Variants in CAMK2D observed in about 807,000 individuals in gnomAD.
CAMK2D encodes the protein calcium/calmodulin-dependent protein kinase type II subunit delta.
CAMK2D carries 37 observed loss-of-function variants against 84.0 expected under a neutral mutation model. That is an observed-to-expected ratio of 0.44 (90% CI 0.34 to 0.58). The LOEUF is 0.58. CAMK2D is among the 20% of genes least tolerant of loss of function. The pLI is 0.02. For synonymous variants in CAMK2D, 202 were observed against 212.5 expected, an observed-to-expected ratio of 0.95 and a Z score of 0.43; for missense variants, 448 against 652.5, an observed-to-expected ratio of 0.69 and a Z score of 3.41.
At chr4:113,491,626 T>C (rs572717948) in intron 16 of CAMK2D, among the ~76,000 whole-genome samples, 1 of 152,184 alleles carries the variant, frequency 6.6e-6, no homozygotes, top group East Asian at 1.9e-4. Flanking sequence ...TGTCTCTGCC[T>C]GGCTTTGGTA....
At chr4:113,478,473 C>T (rs1459590071) in intron 16 of CAMK2D, among the ~76,000 whole-genome samples, 6 of 152,140 alleles carry the variant, frequency 3.9e-5, no homozygotes, top group African/African-American at 9.7e-5. Context: ...AGGCTTCTCT[C>T]TTCTTATAAA....
At chr4:113,583,777 C>T (rs1354765574) in intron 4 of CAMK2D, among the ~76,000 whole-genome samples, 7 of 152,132 alleles carry the variant, frequency 4.6e-5, no homozygotes, top group African/African-American at 1.7e-4. Context: ...TCATATTACA[C>T]ACACATGTAA....
At chr4:113,538,626 T>C (rs2098509490) in intron 6 of CAMK2D, among the ~76,000 whole-genome samples, 2 of 152,226 alleles carry the variant, frequency 1.3e-5, no homozygotes, top group Admixed American at 6.5e-5. Flanking sequence ...ACAAGTAATG[T>C]CATGCTTTAA....
intron 2 of CAMK2D, among the ~76,000 whole-genome samples, chr4:113,699,528 T>A (rs1184338627): frequency 6.6e-6 from 1 of 152,130 alleles, no homozygotes; most frequent in African/African-American, 2.4e-5. Flanking sequence ...TGCCCCACTT[T>A]CCAGTCACCC....
chr4:113,535,863 C>G, intron 7 of CAMK2D, among the ~76,000 whole-genome samples: 1 of 152,196 alleles, frequency 6.6e-6, no homozygotes, highest in Non-Finnish European at 1.5e-5. Context: ...GATACTTCCA[C>G]CCTGAATGGT....
Position 113,677,623 on chromosome 4 carries a change from C to T in CAMK2D, c.161-15851G>A, listed in dbSNP as rs532291029. On this transcript the variant is annotated intron_variant, in intron 2 of 20. Coordinates refer to ENST00000511664, the MANE Select transcript of CAMK2D (RefSeq NM_001321571.2). ...TGCAATACCATCTAAATAAGAAGGCCCATGTCAGTAGTGGCCCTTGGATAA... is the reference window on the plus strand; with the variant it reads ...TGCAATACCATCTAAATAAGAAGGCTCATGTCAGTAGTGGCCCTTGGATAA... 33 of 715,462 alleles carry T rather than the reference C, an allele frequency of 4.6e-5. 1 individual carries two copies. Among genetic ancestry groups the T allele is most frequent in the Admixed American group, 6.3e-5 (1 of 15,918 alleles). 44.3% of individuals were successfully genotyped at this position (715,462 alleles called of 1,614,324 possible). A position where few individuals can be genotyped will look rare whatever the true frequency, so the allele number is the denominator to read the frequency against.
At chr4:113,634,524 A>C (rs540621816) in intron 3 of CAMK2D, among the ~76,000 whole-genome samples, 32 of 152,336 alleles carry the variant, frequency 2.1e-4, no homozygotes, top group Middle Eastern at 3.4e-3. Context: ...ATAAAAGGAC[A>C]CAGAGTCCAA....
At chr4:113,506,236 G>C (rs918448243) in intron 13 of CAMK2D, among the ~76,000 whole-genome samples, 1 of 152,018 alleles carries the variant, frequency 6.6e-6, no homozygotes, top group Non-Finnish European at 1.5e-5. Flanking sequence ...AGTATTGAGA[G>C]GAAGATAGAA....
intron 6 of CAMK2D, among the ~76,000 whole-genome samples, chr4:113,541,892 G>C (rs1025849753): frequency 2.6e-5 from 4 of 151,862 alleles, no homozygotes; most frequent in Non-Finnish European, 2.9e-5. Context: ...AAGCTCACTT[G>C]TCTCATTTGT....
At chr4:113,567,737 G>A (rs945700205) in intron 4 of CAMK2D, among the ~76,000 whole-genome samples, 2 of 152,164 alleles carry the variant, frequency 1.3e-5, no homozygotes, top group Non-Finnish European at 2.9e-5. Flanking sequence ...TAACTTCTCT[G>A]AACTTCAGTG....
intron 13 of CAMK2D, among the ~76,000 whole-genome samples, 198 bp from the exon 14 acceptor site, chr4:113,505,233 G>A (rs551480899): frequency 5.9e-5 from 9 of 152,284 alleles, no homozygotes; most frequent in African/African-American, 1.2e-4. Context: ...GACCATGTCC[G>A]TGATGGTGCA....
In CAMK2D at chr4:113,451,424, TATC is replaced by T. The variant is rs1431717754; in HGVS notation, c.*3118_*3120del. On this transcript the variant is annotated 3_prime_UTR_variant, in exon 21 of 21. Transcript: ENST00000511664. ...CTGCTACCATTTAATTTCTATCAAA[TATC>T]ATTCTAGTCACTCTGTACCCATTAA... is the stretch of plus-strand genomic sequence containing the variant. 6 of 152,334 alleles carry T rather than the reference TATC, an allele frequency of 3.9e-5. No individual in the cohort carries two copies. The highest frequency in any genetic ancestry group is 2.1e-4 in the South Asian group (1 of 4,824). The allele number at this position is 152,334 out of a possible 1,614,324, so 9.4% of individuals were successfully genotyped here. A position where few individuals can be genotyped will look rare whatever the true frequency, so the allele number is the denominator to read the frequency against.
rs188322319 is a variant in CAMK2D at position 113,539,854 on chromosome 4, G to A, written c.415-2411C>T. ...AAATACAGAATTATATAACGAAAATGTAAAAATTAGGATGATTACTAAAAT... is the reference window on the plus strand; with the variant it reads ...AAATACAGAATTATATAACGAAAATATAAAAATTAGGATGATTACTAAAAT... On this transcript the variant is annotated intron_variant, in intron 6 of 20. Coordinates refer to ENST00000511664, the MANE Select transcript of CAMK2D (RefSeq NM_001321571.2). 1.6e-3 allele frequency among the ~76,000 whole-genome samples: 246 copies of A among 152,178 alleles called. 2 individuals carry two copies. The highest frequency in any genetic ancestry group is 0.016 in the South Asian group (78 of 4,826).
chr4:113,507,176 A>C (rs1050720890), intron 13 of CAMK2D, among the ~76,000 whole-genome samples: 1 of 152,076 alleles, frequency 6.6e-6, no homozygotes, highest in African/African-American at 2.4e-5. Context: ...AAATAATAGG[A>C]TAATTTCTAA....
chr4:113,580,158 TCTTTCA>T, intron 4 of CAMK2D, among the ~76,000 whole-genome samples: 1 of 152,234 alleles, frequency 6.6e-6, no homozygotes, highest in Non-Finnish European at 1.5e-5. Flanking sequence ...TTAATGAAGC[TCTTTCA>T]AACTCTGACA....
At chr4:113,643,705 T>A (rs2154296339) in intron 3 of CAMK2D, among the ~76,000 whole-genome samples, 1 of 152,374 alleles carries the variant, frequency 6.6e-6, no homozygotes, top group African/African-American at 2.4e-5. Context: ...CCACCGACCA[T>A]CTTGATAATC....
intron 3 of CAMK2D, among the ~76,000 whole-genome samples, chr4:113,612,108 A>C (rs80139049): frequency 0.062 from 9,469 of 152,270 alleles, 523 homozygotes; most frequent in East Asian, 0.2. Context: ...AAAAGTAGAT[A>C]CTATAGTCTT....
intron 2 of CAMK2D, among the ~76,000 whole-genome samples, chr4:113,758,925 G>A (rs1201245301): frequency 6.6e-6 from 1 of 152,124 alleles, no homozygotes; most frequent in African/African-American, 2.4e-5. Flanking sequence ...TGATTCAACT[G>A]AGCTATGACC....
chr4:113,502,592 A>T (rs999906097), intron 15 of CAMK2D, among the ~76,000 whole-genome samples: 190 of 152,236 alleles, frequency 1.2e-3, no homozygotes, highest in African/African-American at 4.4e-3. Context: ...ATTCTAAAAT[A>T]TCATGCACAA....
Sources: gnomAD v4.1 joint callset for allele counts (sites outside exome capture counted in the v4.1 genomes callset) on GRCh38, gnomAD v4.1.1 for gene constraint, MANE v1.5 for transcripts, NCBI Gene and HGNC (gene_info 2026-07-23, HGNC 2026-07-21) for gene names.